The following FYN variants were observed in gnomAD, a reference collection of about 807,000 sequenced individuals.
FYN encodes the protein FYN proto-oncogene, Src family tyrosine kinase.
Under a neutral mutation model 70.2 loss-of-function variants are expected in FYN, and 10 were observed. The ratio of observed to expected loss-of-function variants is 0.14; its 90% confidence interval spans 0.09 to 0.24. FYN has a LOEUF of 0.24. Among genes scored for constraint, FYN ranks in the 10% least tolerant of loss-of-function variants. The probability of loss-of-function intolerance (pLI) is 1.00; values close to 1 mark genes in which losing one functional copy is unlikely to be tolerated. For synonymous variants in FYN, 236 were observed against 248.6 expected (o/e 0.95, Z 0.48); for missense variants, 319 against 673.1 (o/e 0.47, Z 5.82).
intron 2 of FYN, among the ~76,000 whole-genome samples, chr6:111,842,255 C>T (rs1475083430): frequency 6.6e-6 from 1 of 152,176 alleles, no homozygotes; most frequent in South Asian, 2.1e-4. Flanking sequence ...GGCTGGCAGC[C>T]TGTAGTACAT....
At chr6:111,773,571 A>AGAGGGG (rs1336613027) in intron 3 of FYN, among the ~76,000 whole-genome samples, 1 of 23,388 alleles carries the variant, frequency 4.3e-5, no homozygotes, top group Non-Finnish European at 7.1e-5. Flanking sequence ...AGGGAGAGGG[A>AGAGGGG]GAGGGGGAGG....
At chr6:111,864,684 T>A (rs956533135) in intron 1 of FYN, among the ~76,000 whole-genome samples, 8 of 151,980 alleles carry the variant, frequency 5.3e-5, no homozygotes, top group African/African-American at 1.9e-4. Context: ...CCACGGTGGG[T>A]AAAGGTGCCT....
chr6:111,713,547 C>T (rs976498264), intron 5 of FYN, among the ~76,000 whole-genome samples: 1 of 152,016 alleles, frequency 6.6e-6, no homozygotes, highest in South Asian at 2.1e-4. Context: ...ACCCCACCCC[C>T]CCACACTTTC....
intron 5 of FYN, among the ~76,000 whole-genome samples, chr6:111,710,829 A>G (rs1800341392): frequency 6.6e-6 from 1 of 152,156 alleles, no homozygotes; most frequent in Non-Finnish European, 1.5e-5. Context: ...TTATTTCTTG[A>G]GTTACTGTGG....
chr6:111,812,712 G>T (rs1325040209), intron 2 of FYN, among the ~76,000 whole-genome samples: 1 of 146,736 alleles, frequency 6.8e-6, no homozygotes, highest in Non-Finnish European at 1.5e-5. Context: ...AATGAGGCCA[G>T]AGACAAGTCT....
At chr6:111,759,431 T>A (rs6930672) in intron 3 of FYN, among the ~76,000 whole-genome samples, 58 of 152,192 alleles carry the variant, frequency 3.8e-4, no homozygotes, top group African/African-American at 1.4e-3. Flanking sequence ...TGCTCACTCT[T>A]CTCAGCTCAT....
At chr6:111,802,685 T>G (rs1335220550) in intron 2 of FYN, among the ~76,000 whole-genome samples, 2 of 151,560 alleles carry the variant, frequency 1.3e-5, no homozygotes, top group Non-Finnish European at 2.9e-5. Context: ...TGCCTCAGCC[T>G]CCCAAAGTGC....
Position 111,660,888 on chromosome 6 carries a change from A to G in FYN, c.*851T>C, listed in dbSNP as rs1008116509. 6.6e-6 allele frequency: 1 copy of G among 152,208 alleles called. No homozygotes were observed. Among genetic ancestry groups the G allele is most frequent in the African/African-American group, 2.4e-5 (1 of 41,450 alleles). The allele number at this position is 152,208 out of a possible 1,614,324, so 9.4% of individuals were successfully genotyped here. A position where few individuals can be genotyped will look rare whatever the true frequency, so the allele number is the denominator to read the frequency against. On this transcript the variant is annotated 3_prime_UTR_variant, in exon 14 of 14. Coordinates refer to ENST00000354650, the MANE Select transcript of FYN (RefSeq NM_002037.5). ...TCCAGTTCTCTTGGTAGTATCAGCC[A>G]TTTGCTTGCTTATTTTTAAGTTTTG...
At chr6:111,734,001 C>T (rs1801586036) in intron 3 of FYN, among the ~76,000 whole-genome samples, 1 of 152,084 alleles carries the variant, frequency 6.6e-6, no homozygotes, top group Admixed American at 6.5e-5. Context: ...GCGGGAGGAT[C>T]ACTTGAGCCC....
At chr6:111,703,085 T>G in intron 7 of FYN, 51 bp from the exon 8 acceptor site, 1 of 1,578,172 alleles carries the variant, frequency 6.3e-7, no homozygotes. Context: ...AGTATCAGCT[T>G]GCTTTTTAGG....
chr6:111,664,903 T>A (rs1198264703), intron 13 of FYN, among the ~76,000 whole-genome samples: 2 of 152,224 alleles, frequency 1.3e-5, no homozygotes, highest in Non-Finnish European at 2.9e-5. Context: ...ACAATTGGAA[T>A]GGGACTAGCT....
chr6:111,814,821 T>C (rs965649656), intron 2 of FYN, among the ~76,000 whole-genome samples: 2 of 152,220 alleles, frequency 1.3e-5, no homozygotes, highest in East Asian at 3.8e-4. Flanking sequence ...TTCTACTCTA[T>C]ATGGGGCAGA....
Position 111,694,556 on chromosome 6 carries a change from T to G in FYN, c.1120-28A>C. 1 of 1,613,998 alleles carries G rather than the reference T, an allele frequency of 6.2e-7. No individual in the cohort carries two copies. Among genetic ancestry groups the G allele is most frequent in the Non-Finnish European group, 8.5e-7 (1 of 1,179,874 alleles). On this transcript the variant is annotated intron_variant, in intron 11 of 13. Transcript: ENST00000354650. This position sits in a 1 kb window ranked among gnomAD's most constrained non-coding sequence, Gnocchi z 5.0. ...GTGGAAACCCAGGGAACAGGACATG[T>G]TACACCACGACCCAATGTACTTAGA...
chr6:111,683,454 T>A (rs1798858498), intron 12 of FYN, among the ~76,000 whole-genome samples: 1 of 152,096 alleles, frequency 6.6e-6, no homozygotes, highest in Non-Finnish European at 1.5e-5. Flanking sequence ...TCAGAGAATA[T>A]CCCCTCTGGC....
intron 3 of FYN, among the ~76,000 whole-genome samples, chr6:111,751,275 A>G (rs947765355): frequency 6.6e-6 from 1 of 152,188 alleles, no homozygotes; most frequent in Non-Finnish European, 1.5e-5. Flanking sequence ...GCTCCCTTTC[A>G]GATTCAAATG....
At chr6:111,840,806 T>C (rs547665916) in intron 2 of FYN, among the ~76,000 whole-genome samples, 1 of 152,346 alleles carries the variant, frequency 6.6e-6, no homozygotes, top group African/African-American at 2.4e-5. Flanking sequence ...ATTTTATTAA[T>C]AATCTTTCCT....
intron 12 of FYN, 139 bp from the exon 13 acceptor site, chr6:111,674,769 T>C (rs1459106156): frequency 1.1e-6 from 1 of 902,282 alleles, no homozygotes; most frequent in Non-Finnish European, 1.7e-6. Flanking sequence ...GAAGCAGGAA[T>C]GGGCTGGGAT....
intron 2 of FYN, among the ~76,000 whole-genome samples, chr6:111,841,685 C>T (rs572112678): frequency 1.3e-5 from 2 of 152,268 alleles, no homozygotes; most frequent in Admixed American, 6.5e-5. Context: ...TTTTTCAACT[C>T]TTTCCTTGAA....
intron 3 of FYN, among the ~76,000 whole-genome samples, chr6:111,731,230 A>G (rs1241904538): frequency 6.6e-6 from 1 of 152,224 alleles, no homozygotes; most frequent in Non-Finnish European, 1.5e-5. Context: ...CCTTTCAAAA[A>G]CAGTGCATTC....
Sources: gnomAD v4.1 joint callset for allele counts (sites outside exome capture counted in the v4.1 genomes callset) on GRCh38, gnomAD v4.1.1 for gene constraint, Gnocchi (gnomAD v3.1) non-coding constraint, MANE v1.5 for transcripts, NCBI Gene and HGNC (gene_info 2026-07-23, HGNC 2026-07-21) for gene names.